Variants in GALNTL6 observed in about 807,000 individuals in gnomAD.
The protein encoded by GALNTL6 is polypeptide N-acetylgalactosaminyltransferase-like 6.
Under a neutral mutation model 73.7 loss-of-function variants are expected in GALNTL6, and 46 were observed. The ratio of observed to expected loss-of-function variants is 0.62; its 90% CI spans 0.49 to 0.80. The LOEUF is 0.80. GALNTL6 is among the 30% of genes least tolerant of loss of function. The pLI is 0.00. For synonymous variants in GALNTL6, 259 were observed against 263.7 expected (o/e 0.98, Z 0.17); for missense variants, 604 against 755.0 (o/e 0.80, Z 2.34).
At chr4:171,929,868 A>G (rs1221602313) in intron 2 of GALNTL6, among the ~76,000 whole-genome samples, 1 of 152,216 alleles carries the variant, frequency 6.6e-6, no homozygotes, top group African/African-American at 2.4e-5. Context: ...GGAAAACGCG[A>G]GACAGAGCTG....
intron 2 of GALNTL6, among the ~76,000 whole-genome samples, chr4:172,179,175 A>G (rs1381563533): frequency 1.3e-5 from 2 of 148,214 alleles, no homozygotes; most frequent in African/African-American, 2.5e-5. Flanking sequence ...ATACCCAGTA[A>G]TGGGATGGCT....
At chr4:171,981,057 A>C (rs770845181) in intron 2 of GALNTL6, among the ~76,000 whole-genome samples, 8 of 152,206 alleles carry the variant, frequency 5.3e-5, no homozygotes, top group Non-Finnish European at 1.2e-4. Flanking sequence ...TGGAGAGTTT[A>C]TTTTGCCAAG....
intron 2 of GALNTL6, among the ~76,000 whole-genome samples, chr4:172,176,707 G>A (rs1735013440): frequency 6.6e-6 from 1 of 151,988 alleles, no homozygotes; most frequent in Non-Finnish European, 1.5e-5. Flanking sequence ...GAGGATCGCT[G>A]GAGCTCAGGA....
chr4:172,798,576 T>C (rs980600160), intron 5 of GALNTL6, among the ~76,000 whole-genome samples: 2 of 152,206 alleles, frequency 1.3e-5, no homozygotes, highest in Non-Finnish European at 2.9e-5. Context: ...AAACCTCTTT[T>C]CTTTATAAAT....
At chr4:172,196,395 G>A (rs1164955257) in intron 2 of GALNTL6, among the ~76,000 whole-genome samples, 1 of 152,156 alleles carries the variant, frequency 6.6e-6, no homozygotes, top group East Asian at 1.9e-4. Context: ...CATTTCTTCT[G>A]AAGCTATTGC....
chr4:172,339,248 ACACACACAC>A (rs1741459119), intron 4 of GALNTL6, among the ~76,000 whole-genome samples: 1 of 145,580 alleles, frequency 6.9e-6, no homozygotes, highest in Non-Finnish European at 1.5e-5. Context: ...CAGCAAACAC[ACACACACAC>A]CACACACACA....
intron 5 of GALNTL6, among the ~76,000 whole-genome samples, chr4:172,606,780 T>C (rs1486279729): frequency 6.7e-6 from 1 of 149,568 alleles, no homozygotes; most frequent in Non-Finnish European, 1.5e-5. Flanking sequence ...CTGAACTAAT[T>C]GGCAATCTTG....
chr4:172,639,961 T>C (rs2111118535), intron 5 of GALNTL6, among the ~76,000 whole-genome samples: 1 of 152,138 alleles, frequency 6.6e-6, no homozygotes, highest in Admixed American at 6.5e-5. Flanking sequence ...TTCCTGTCTT[T>C]TTTAAAAAAA....
chr4:172,458,461 A>T (rs1485030265), intron 5 of GALNTL6, among the ~76,000 whole-genome samples: 7 of 151,956 alleles, frequency 4.6e-5, no homozygotes, highest in African/African-American at 1.7e-4. Flanking sequence ...TCAACAAAAT[A>T]GATAGACTGC....
chr4:171,967,454 T>TTTGTTTGTTTG (rs1553976679), intron 2 of GALNTL6, among the ~76,000 whole-genome samples: 131 of 44,528 alleles, frequency 2.9e-3, no homozygotes, highest in East Asian at 7.0e-3. Context: ...TGGGTTTTTT[T>TTTGTTTGTTTG]TTTTTTTTTT....
intron 5 of GALNTL6, among the ~76,000 whole-genome samples, chr4:172,464,362 A>T (rs538879298): frequency 6.6e-6 from 1 of 152,154 alleles, no homozygotes; most frequent in African/African-American, 2.4e-5. Flanking sequence ...TTTTGTGAAC[A>T]TTAAGTACTT....
intron 5 of GALNTL6, among the ~76,000 whole-genome samples, chr4:172,524,434 A>ATTTT (rs1734885128): frequency 2.6e-5 from 4 of 151,986 alleles, no homozygotes; most frequent in Non-Finnish European, 1.5e-5. Context: ...TATTTTTAGT[A>ATTTT]AAGACAGGGT....
chr4:172,919,031 G>A (rs1333995807), intron 8 of GALNTL6, among the ~76,000 whole-genome samples: 1 of 152,042 alleles, frequency 6.6e-6, no homozygotes, highest in Non-Finnish European at 1.5e-5. Context: ...ATTCTTTGAG[G>A]CATTTATTGC....
intron 10 of GALNTL6, among the ~76,000 whole-genome samples, chr4:173,004,648 A>C (rs144709233): frequency 1.3e-3 from 203 of 151,440 alleles, no homozygotes; most frequent in African/African-American, 2.7e-3. Flanking sequence ...AACTAAATAA[A>C]TAAATAAATA....
intron 5 of GALNTL6, among the ~76,000 whole-genome samples, chr4:172,388,846 T>C (rs1170721652): frequency 6.6e-6 from 1 of 152,088 alleles, no homozygotes; most frequent in Non-Finnish European, 1.5e-5. Context: ...GTACCATACT[T>C]ACATGACATC....
At chr4:172,621,822 T>A (rs1470470752) in intron 5 of GALNTL6, among the ~76,000 whole-genome samples, 1 of 152,190 alleles carries the variant, frequency 6.6e-6, no homozygotes, top group Non-Finnish European at 1.5e-5. Flanking sequence ...ACTCTGCCGA[T>A]ATTATATATT....
intron 2 of GALNTL6, among the ~76,000 whole-genome samples, chr4:171,961,425 T>C (rs1739214950): frequency 6.6e-6 from 1 of 152,142 alleles, no homozygotes; most frequent in South Asian, 2.1e-4. Context: ...ATGGCTGAGT[T>C]AGACTTTAAA....
chr4:171,835,265 C>A (rs184496737), intron 2 of GALNTL6, among the ~76,000 whole-genome samples: 33 of 151,784 alleles, frequency 2.2e-4, no homozygotes, highest in African/African-American at 8.0e-4. Context: ...AAATTTGTTT[C>A]TAAGGTCAAG....
At chr4:172,219,819 G>C (rs1461094856) in intron 2 of GALNTL6, among the ~76,000 whole-genome samples, 3 of 151,892 alleles carry the variant, frequency 2.0e-5, no homozygotes, top group Non-Finnish European at 4.4e-5. Context: ...ATTTATGCTA[G>C]ATAGCCAATA....
Sources: allele counts gnomAD v4.1 joint callset (sites outside exome capture counted in the v4.1 genomes callset), GRCh38; gene constraint gnomAD v4.1.1; transcripts MANE v1.5; gene names NCBI Gene and HGNC (gene_info 2026-07-23, HGNC 2026-07-21).